HINT3: variants seen among roughly 807,000 people sequenced by gnomAD.
The protein encoded by HINT3 is histidine triad nucleotide binding protein 3.
HINT3 carries 16 observed loss-of-function variants against 19.1 expected under a neutral mutation model. The ratio of observed to expected loss-of-function variants is 0.84; its 90% confidence interval spans 0.57 to 1.27. HINT3 has a LOEUF of 1.27. Among genes scored for constraint, HINT3 ranks in the 50% most tolerant of loss-of-function variants. The pLI is 0.00. For missense variants in HINT3, 197 were observed against 225.8 expected, an observed-to-expected ratio of 0.87 and a Z score of 0.82; for synonymous variants, 75 against 84.8, an observed-to-expected ratio of 0.88 and a Z score of 0.63.
chr6:125,965,956 A>G (rs1055575143), intron 1 of HINT3, among the ~76,000 whole-genome samples: 10 of 152,224 alleles, frequency 6.6e-5, no homozygotes, highest in Non-Finnish European at 1.3e-4. Context: ...TGGAATGGAT[A>G]TGACGCACTT....
chr6:125,972,815 C>G (rs1350131598), intron 3 of HINT3, among the ~76,000 whole-genome samples: 3 of 152,124 alleles, frequency 2.0e-5, no homozygotes, highest in Non-Finnish European at 4.4e-5. Context: ...GTCTCAAACT[C>G]CTGGGCTCAA....
intron 1 of HINT3, among the ~76,000 whole-genome samples, chr6:125,960,761 G>A (rs865804349): frequency 2.0e-4 from 31 of 151,706 alleles, no homozygotes; most frequent in South Asian, 1.3e-3. Context: ...ACCTGACAGG[G>A]AGAAAGAATA....
chr6:125,962,782 G>A (rs1788962200), intron 1 of HINT3, among the ~76,000 whole-genome samples: 1 of 151,816 alleles, frequency 6.6e-6, no homozygotes, highest in Non-Finnish European at 1.5e-5. Flanking sequence ...TTCTTAATGG[G>A]GCAGATGACA....
At chr6:125,962,213 CATATATATATATATATATATACACAT>C (rs1788942698) in intron 1 of HINT3, among the ~76,000 whole-genome samples, 2 of 36,320 alleles carry the variant, frequency 5.5e-5, no homozygotes, top group African/African-American at 5.7e-4. Flanking sequence ...TATATATACA[CATATATATATATATATATATACACAT>C]ATATATATAT....
chr6:125,962,193 TATATATATATATATATAC>T lies in HINT3; in HGVS notation c.202-4692_202-4675del, dbSNP rs1562212042. Among the ~76,000 whole-genome samples, 25 of 56,506 alleles carry T rather than the reference TATATATATATATATATAC, an allele frequency of 4.4e-4. 1 individual carries two copies. Among genetic ancestry groups the T allele is most frequent in the African/African-American group, 3.1e-3 (24 of 7,784 alleles). The allele number at this position is 56,506 out of a possible 152,430, so 37.1% of individuals were successfully genotyped here. ...ATATATATATATATATATACACATA[TATATATATATATATATAC>T]ACATATATATATATATATATATACA... is the stretch of plus-strand genomic sequence containing the variant. On this transcript the variant is annotated intron_variant, in intron 1 of 4. Coordinates refer to ENST00000229633, the MANE Select transcript of HINT3 (RefSeq NM_138571.5).
rs1395716444 is a variant in HINT3 at position 125,960,672 on chromosome 6, A to AGGGGG, written c.201+3494_201+3495insGGGGG. 3.2e-3 allele frequency among the ~76,000 whole-genome samples: 267 copies of AGGGGG among 83,380 alleles called. 4 individuals carry two copies. Among genetic ancestry groups the AGGGGG allele is most frequent in the Middle Eastern group, 7.1e-3 (1 of 140 alleles). 54.7% of individuals were successfully genotyped at this position (83,380 alleles called of 152,430 possible). A position where few individuals can be genotyped will look rare whatever the true frequency, so the allele number is the denominator to read the frequency against. Reference sequence around the variant, plus strand: ...ACTCTCTCTGGGGGGGGGGAAAAAAAAAGAAGTTAGGGCAAGCAAGTGGCT... The same window carrying AGGGGG: ...ACTCTCTCTGGGGGGGGGGAAAAAAAGGGGGAAGAAGTTAGGGCAAGCAAGTGGCT... On this transcript the variant is annotated intron_variant, in intron 1 of 4. Transcript: ENST00000229633.
intron 4 of HINT3, among the ~76,000 whole-genome samples, 160 bp downstream of exon 4, chr6:125,975,133 G>T (rs373946404): frequency 5.9e-5 from 9 of 152,032 alleles, no homozygotes; most frequent in African/African-American, 1.9e-4. Flanking sequence ...TTTTAATTTG[G>T]GGGATTTTGA....
In HINT3 at chr6:125,957,180, T is replaced by TGGGCGGCGACGC. The variant is rs1389308717; in HGVS notation, c.201+4_201+15dup. 1 of 1,542,316 alleles carries TGGGCGGCGACGC rather than the reference T, an allele frequency of 6.5e-7. No homozygotes were observed. The highest frequency in any genetic ancestry group is 8.8e-7 in the Non-Finnish European group (1 of 1,141,780). On this transcript the variant is annotated splice_region_variant and intron_variant, in intron 1 of 4. Transcript: ENST00000229633. ...GGCACCGAACTCCTGCACTGCGAGG[T>TGGGCGGCGACGC]GGGCGGCGACGCGCGGCCGGGGGTG...
intron 1 of HINT3, among the ~76,000 whole-genome samples, chr6:125,959,420 AT>A (rs1209340428): frequency 2.0e-5 from 3 of 152,242 alleles, no homozygotes; most frequent in African/African-American, 7.2e-5. Flanking sequence ...ATTGCCAGCA[AT>A]GTCAGCAGCA....
chr6:125,967,112 C>T, intron 2 of HINT3, 108 bp downstream of exon 2: 1 of 626,140 alleles, frequency 1.6e-6, no homozygotes, highest in Non-Finnish European at 2.7e-6. Context: ...GAAAAAGGAG[C>T]ATTATGACTT....
intron 1 of HINT3, among the ~76,000 whole-genome samples, chr6:125,960,997 A>T (rs188402805): frequency 1.3e-3 from 200 of 152,340 alleles, no homozygotes; most frequent in African/African-American, 4.6e-3. Flanking sequence ...TAGAAAATAG[A>T]TACTAGTAGC....
intron 3 of HINT3, among the ~76,000 whole-genome samples, chr6:125,972,926 T>C (rs1203433887): frequency 6.6e-6 from 1 of 152,124 alleles, no homozygotes; most frequent in East Asian, 1.9e-4. Context: ...GGCATTCCTA[T>C]AAAACTGTAT....
At chr6:125,968,371 A>G (rs550389111) in intron 2 of HINT3, among the ~76,000 whole-genome samples, 2 of 152,198 alleles carry the variant, frequency 1.3e-5, no homozygotes, top group East Asian at 3.8e-4. Context: ...GCATAGTATT[A>G]CATGGTATAT....
intron 4 of HINT3, among the ~76,000 whole-genome samples, chr6:125,976,517 G>GTTTTT (rs756368776): frequency 8.8e-6 from 1 of 113,100 alleles, no homozygotes; most frequent in African/African-American, 3.2e-5. Flanking sequence ...GCTGGTTTGG[G>GTTTTT]TTTTTTTTTT....
rs569768713 is a variant in HINT3, at chr6:125,964,151, G to A, written c.202-2736G>A. On this transcript the variant is annotated intron_variant, in intron 1 of 4. Transcript: ENST00000229633. ...CTCTTTAGTGGATGTCATTAGGGATGGATAGGCAAAATACTGTATCTTTAA... is the reference window on the plus strand; with the variant it reads ...CTCTTTAGTGGATGTCATTAGGGATAGATAGGCAAAATACTGTATCTTTAA... Among the ~76,000 whole-genome samples the A allele has an allele frequency of 1.4e-4, 22 of 152,270 alleles. No individual in the cohort carries two copies. The South Asian group carries it at 4.3e-3, about 30-fold the overall frequency.
chr6:125,969,468 GA>G (rs1219965908), intron 2 of HINT3, among the ~76,000 whole-genome samples: 1 of 152,068 alleles, frequency 6.6e-6, no homozygotes, highest in Non-Finnish European at 1.5e-5. Context: ...TTTTGCTTAG[GA>G]TTGTCTTGGC....
intron 1 of HINT3, among the ~76,000 whole-genome samples, chr6:125,962,754 C>G (rs1156809481): frequency 2.0e-5 from 3 of 151,916 alleles, no homozygotes; most frequent in Non-Finnish European, 4.4e-5. Flanking sequence ...TAAAACTAAG[C>G]AAAGGCTGAA....
rs778647958 is a variant in HINT3, at chr6:125,980,137, A to T, written c.*2461A>T. ...CTGTCTTAAAAATGTTTGAAGTGGT[A>T]TCAAGAGCATTGTTTATGCATGTTG... On this transcript the variant is annotated 3_prime_UTR_variant, in exon 5 of 5. Coordinates refer to ENST00000229633, the MANE Select transcript of HINT3 (RefSeq NM_138571.5). 1.3e-5 allele frequency: 2 copies of T among 152,246 alleles called. No individual in the cohort carries two copies. The highest frequency in any genetic ancestry group is 2.9e-5 in the Non-Finnish European group (2 of 68,046). 9.4% of individuals were successfully genotyped at this position (152,246 alleles called of 1,614,324 possible).
rs1319161646 is a variant in HINT3 at position 125,979,759 on chromosome 6, A to G, written c.*2083A>G. 6.6e-6 allele frequency: 1 copy of G among 152,186 alleles called. No homozygotes were observed. The allele number at this position is 152,186 out of a possible 1,614,324, so 9.4% of individuals were successfully genotyped here. A position where few individuals can be genotyped will look rare whatever the true frequency, so the allele number is the denominator to read the frequency against. On this transcript the variant is annotated 3_prime_UTR_variant, in exon 5 of 5. Coordinates refer to ENST00000229633, the MANE Select transcript of HINT3 (RefSeq NM_138571.5). ...ACAGAGTGAGACTTTGTCTCAAAGA[A>G]AAAAAAACAATAATAGGTAAAGTAT...
Sources: gnomAD v4.1 joint callset for allele counts (sites outside exome capture counted in the v4.1 genomes callset) on GRCh38, gnomAD v4.1.1 for gene constraint, MANE v1.5 for transcripts, NCBI Gene and HGNC (gene_info 2026-07-23, HGNC 2026-07-21) for gene names.